MYO5A: variants seen among roughly 807,000 people sequenced by gnomAD.
MYO5A encodes myosin VA, also known as unconventional myosin-Va.
In MYO5A, 98 loss-of-function variants were observed where a neutral mutation model predicts 249.7. That is an observed-to-expected ratio of 0.39 (90% CI 0.33 to 0.46). MYO5A has a LOEUF of 0.46. Ranked by LOEUF, MYO5A falls within the 20% of genes least tolerant of loss-of-function variation. The probability of loss-of-function intolerance (pLI) is 0.98; values close to 1 mark genes in which losing one functional copy is unlikely to be tolerated. For synonymous variants in MYO5A, 778 were observed against 810.6 expected, an observed-to-expected ratio of 0.96 and a Z score of 0.68; for missense variants, 1,696 against 2,308.8, an observed-to-expected ratio of 0.73 and a Z score of 5.44.
intron 28 of MYO5A, among the ~76,000 whole-genome samples, chr15:52,350,847 C>G (rs534240600): frequency 1.3e-5 from 2 of 152,276 alleles, no homozygotes; most frequent in African/African-American, 4.8e-5. Flanking sequence ...CACTTCTAAC[C>G]GGTTCATCTG....
chr15:52,325,184 G>T (rs1245572847), intron 36 of MYO5A, among the ~76,000 whole-genome samples: 1 of 152,132 alleles, frequency 6.6e-6, no homozygotes, highest in Admixed American at 6.5e-5. Flanking sequence ...GTCACTGTCG[G>T]GCTATGGGAG....
At chr15:52,342,872 C>T (rs757360793) in intron 31 of MYO5A, among the ~76,000 whole-genome samples, 1 of 151,386 alleles carries the variant, frequency 6.6e-6, no homozygotes, top group Non-Finnish European at 1.5e-5. Flanking sequence ...GCTGAGATCG[C>T]ACCACTGCAC....
At chr15:52,345,515 G>A (rs1176411627) in intron 30 of MYO5A, among the ~76,000 whole-genome samples, 1 of 151,652 alleles carries the variant, frequency 6.6e-6, no homozygotes, top group African/African-American at 2.4e-5. Flanking sequence ...AACCTGGGGG[G>A]CGGAGGTTGC....
chr15:52,521,031 C>A (rs2141659015), intron 1 of MYO5A, among the ~76,000 whole-genome samples: 1 of 152,166 alleles, frequency 6.6e-6, no homozygotes, highest in Admixed American at 6.5e-5. Context: ...AGTTCGAGAC[C>A]CGCCTGGCCA....
chr15:52,355,137 C>T (rs918156614), intron 25 of MYO5A, among the ~76,000 whole-genome samples: 2 of 152,152 alleles, frequency 1.3e-5, no homozygotes, highest in African/African-American at 4.8e-5. Context: ...TCTACATTTA[C>T]AATCAGGAAG....
At chr15:52,497,339 A>T (rs1270956859) in intron 1 of MYO5A, among the ~76,000 whole-genome samples, 1 of 152,164 alleles carries the variant, frequency 6.6e-6, no homozygotes, top group Non-Finnish European at 1.5e-5. Context: ...AATTTCAAAA[A>T]ATATACGCAG....
At chr15:52,489,264 T>C (rs1415985332) in intron 1 of MYO5A, among the ~76,000 whole-genome samples, 1 of 152,100 alleles carries the variant, frequency 6.6e-6, no homozygotes, top group Non-Finnish European at 1.5e-5. Context: ...GGTAAATAAA[T>C]TTAAAACCTC....
chr15:52,483,133 G>A (rs139935362), intron 1 of MYO5A, among the ~76,000 whole-genome samples: 2 of 152,236 alleles, frequency 1.3e-5, no homozygotes, highest in East Asian at 3.9e-4. Context: ...CTGTCAATGT[G>A]TCTACACCAC....
intron 1 of MYO5A, among the ~76,000 whole-genome samples, chr15:52,451,312 C>T (rs2141373558): frequency 6.6e-6 from 1 of 152,230 alleles, no homozygotes; most frequent in Middle Eastern, 3.4e-3. Flanking sequence ...TTGTCCCCCT[C>T]TCTCCATCTC....
intron 25 of MYO5A, among the ~76,000 whole-genome samples, chr15:52,358,661 G>A (rs2040366085): frequency 6.6e-6 from 1 of 152,040 alleles, no homozygotes; most frequent in South Asian, 2.1e-4. Flanking sequence ...TACATGGAGA[G>A]GCCCAGGGAA....
At chr15:52,511,189 G>A (rs2077382470) in intron 1 of MYO5A, among the ~76,000 whole-genome samples, 1 of 152,204 alleles carries the variant, frequency 6.6e-6, no homozygotes, top group East Asian at 1.9e-4. Flanking sequence ...CAAGGGAAGT[G>A]AATGCCTTCT....
Position 52,492,595 on chromosome 15 carries a change from G to T in MYO5A, c.27+36185C>A, listed in dbSNP as rs12438725. Among the ~76,000 whole-genome samples, 3 of 152,328 alleles carry T rather than the reference G, an allele frequency of 2.0e-5. No homozygotes were observed. The South Asian group carries it at 6.2e-4, about 32-fold the overall frequency. The stretch of plus-strand genomic sequence containing the variant: ...ACAGTACACTACTACTAGTTAGGGT[G>T]GTTGAGAACCCTCCCAAAATCCAAG... On this transcript the variant is annotated intron_variant, in intron 1 of 41. Coordinates refer to ENST00000399233, the MANE Select transcript of MYO5A (RefSeq NM_001382347.1).
At chr15:52,337,921 T>A in intron 32 of MYO5A, 37 bp from the exon 33 acceptor site, 1 of 1,411,232 alleles carries the variant, frequency 7.1e-7, no homozygotes, top group Non-Finnish European at 9.6e-7. Flanking sequence ...TGTTTTTGTC[T>A]GTGTGTTTGA....
intron 38 of MYO5A, 93 bp from the exon 39 acceptor site, chr15:52,319,435 T>C (rs1446182413): frequency 1.4e-6 from 2 of 1,392,468 alleles, no homozygotes; most frequent in African/African-American, 2.8e-5. Flanking sequence ...CACATTCAAC[T>C]TAGGAAAATT....
intron 1 of MYO5A, among the ~76,000 whole-genome samples, chr15:52,497,424 GATAAATAA>G (rs71130165): frequency 4.7e-5 from 7 of 147,428 alleles, no homozygotes; most frequent in East Asian, 3.9e-4. Context: ...TAAATAAATA[GATAAATAA>G]ATAAATAAAT....
intron 14 of MYO5A, among the ~76,000 whole-genome samples, chr15:52,384,608 C>T (rs568745082): frequency 3.9e-5 from 6 of 152,142 alleles, no homozygotes; most frequent in Non-Finnish European, 7.4e-5. Context: ...CAGGAAGTGA[C>T]AAATCTAAAC....
intron 1 of MYO5A, among the ~76,000 whole-genome samples, chr15:52,473,988 G>A (rs2076535600): frequency 6.6e-6 from 1 of 152,104 alleles, no homozygotes; most frequent in African/African-American, 2.4e-5. Context: ...TGGGCAGTAT[G>A]GCCATTTTCA....
At chr15:52,445,677 G>T (rs2075873901) in intron 1 of MYO5A, among the ~76,000 whole-genome samples, 1 of 152,202 alleles carries the variant, frequency 6.6e-6, no homozygotes, top group African/African-American at 2.4e-5. Flanking sequence ...GACAGTGAAG[G>T]CCAGGCTGAG....
At chr15:52,399,174 T>A (rs930939318) in intron 9 of MYO5A, among the ~76,000 whole-genome samples, 2 of 152,214 alleles carry the variant, frequency 1.3e-5, no homozygotes, top group African/African-American at 4.8e-5. Context: ...GAGAAGTCAA[T>A]AATCTCCCAC....
Sources: gnomAD v4.1 joint callset for allele counts (sites outside exome capture counted in the v4.1 genomes callset) on GRCh38, gnomAD v4.1.1 for gene constraint, MANE v1.5 for transcripts, NCBI Gene and HGNC (gene_info 2026-07-23, HGNC 2026-07-21) for gene names.